The following SNRPN variants were observed in gnomAD, a reference collection of about 807,000 sequenced individuals.
SNRPN encodes the protein small nuclear ribonucleoprotein-associated protein N.
Under a neutral mutation model 25.2 loss-of-function variants are expected in SNRPN, and 7 were observed. The ratio of observed to expected loss-of-function variants is 0.28; its 90% CI spans 0.16 to 0.52. SNRPN has a LOEUF of 0.52. Ranked by LOEUF, SNRPN falls within the 20% of genes least tolerant of loss-of-function variation. The pLI is 0.96. For synonymous variants in SNRPN, 124 were observed against 110.6 expected (o/e 1.12, Z -0.76); for missense variants, 196 against 322.5 (o/e 0.61, Z 3.00).
chr15:24,945,451 A>G (rs1418243457), intron 3 of SNRPN, among the ~76,000 whole-genome samples: 1 of 150,450 alleles, frequency 6.6e-6, no homozygotes, highest in Non-Finnish European at 1.5e-5. Flanking sequence ...AGGCAGGAGG[A>G]TCACTTGAGC....
intron 2 of SNRPN, among the ~76,000 whole-genome samples, chr15:24,837,461 T>C (rs987769441): frequency 1.7e-4 from 25 of 151,388 alleles, no homozygotes; most frequent in Admixed American, 1.1e-3. Flanking sequence ...CTCCGCCTCC[T>C]GGGTTCACGC....
chr15:24,927,166 G>A (rs2060438826), intron 3 of SNRPN, among the ~76,000 whole-genome samples: 1 of 151,192 alleles, frequency 6.6e-6, no homozygotes, highest in Non-Finnish European at 1.5e-5. Context: ...TGTCACCCAG[G>A]CTGGGGTGCA....
intron 2 of SNRPN, among the ~76,000 whole-genome samples, chr15:24,838,377 C>G (rs1313885818): frequency 6.6e-6 from 1 of 152,108 alleles, no homozygotes; most frequent in Non-Finnish European, 1.5e-5. Flanking sequence ...GAGGTGATAT[C>G]CATCCTTTTC....
chr15:24,963,005 TAACTG>T (rs1314206548), intron 2 of SNRPN, among the ~76,000 whole-genome samples: 2 of 151,928 alleles, frequency 1.3e-5, no homozygotes, highest in African/African-American at 4.8e-5. Context: ...ACTACCAACT[TAACTG>T]GCCTTTTCCT....
chr15:24,866,773 G>A (rs12909268), intron 1 of SNRPN, among the ~76,000 whole-genome samples: 49,659 of 151,950 alleles, frequency 0.33, 9,345 homozygotes, highest in African/African-American at 0.5. Flanking sequence ...TTTCACATGA[G>A]TAAGATCTTG....
chr15:24,895,400 A>AAC (rs10558727), intron 2 of SNRPN, among the ~76,000 whole-genome samples: 16,636 of 147,124 alleles, frequency 0.11, 1,022 homozygotes, highest in Admixed American at 0.18. Flanking sequence ...AATACACCCA[A>AAC]ACACACACAC....
At chr15:24,928,799 G>C (rs1351219578) in intron 3 of SNRPN, among the ~76,000 whole-genome samples, 1 of 151,880 alleles carries the variant, frequency 6.6e-6, no homozygotes, top group African/African-American at 2.4e-5. Flanking sequence ...ATAAAGGTGG[G>C]GTCTTGCCAT....
intron 2 of SNRPN, among the ~76,000 whole-genome samples, chr15:24,964,735 G>A (rs1339485879): frequency 6.6e-6 from 1 of 152,166 alleles, no homozygotes; most frequent in East Asian, 1.9e-4. Flanking sequence ...TGTTAAGTGG[G>A]TGAAGGTTCT....
intron 1 of SNRPN, among the ~76,000 whole-genome samples, chr15:24,957,643 G>A (rs1031492390): frequency 2.0e-5 from 3 of 152,116 alleles, no homozygotes; most frequent in African/African-American, 7.2e-5. Context: ...TTAAATCTAC[G>A]AAGCCCGAAA....
rs10696281 is a variant in SNRPN at position 24,833,104 on chromosome 15, CAAAAAAAAA to C, written c.-579+3218_-579+3226del. Reference sequence around the variant, plus strand: ...TGGGCGACAGAGCGAGACTCTGTCTCAAAAAAAAAAAAAAAAAAAAAAAAAAAGATGATG... The same window carrying C: ...TGGGCGACAGAGCGAGACTCTGTCTCAAAAAAAAAAAAAAAAAAGATGATG... On this transcript the variant is annotated intron_variant, in intron 2 of 12. Transcript: ENST00000400100. Among the ~76,000 whole-genome samples the C allele has an allele frequency of 1.6e-4, 10 of 61,768 alleles. No homozygotes were observed. The Admixed American group carries it at 2.1e-3, about 13-fold the overall frequency. 40.5% of individuals were successfully genotyped at this position (61,768 alleles called of 152,430 possible). A position where few individuals can be genotyped will look rare whatever the true frequency, so the allele number is the denominator to read the frequency against.
At chr15:24,959,972 G>A (rs1005819548) in intron 1 of SNRPN, among the ~76,000 whole-genome samples, 5 of 152,140 alleles carry the variant, frequency 3.3e-5, no homozygotes, top group Admixed American at 2.6e-4. Context: ...ATAATAGAAA[G>A]AACATGAACT....
chr15:24,881,324 A>T (rs1037244127), intron 1 of SNRPN, among the ~76,000 whole-genome samples: 1 of 151,378 alleles, frequency 6.6e-6, no homozygotes, highest in African/African-American at 2.4e-5. Flanking sequence ...GGAGTTCGAG[A>T]CCAGCCTGGC....
chr15:24,873,169 C>CAA (rs144050115), intron 1 of SNRPN, among the ~76,000 whole-genome samples: 1 of 114,904 alleles, frequency 8.7e-6, no homozygotes, highest in Non-Finnish European at 1.9e-5. Flanking sequence ...GCCTTGCCCG[C>CAA]AAAAAAAAAG....
chr15:24,842,482 G>A (rs997937815), intron 2 of SNRPN, among the ~76,000 whole-genome samples: 2 of 152,152 alleles, frequency 1.3e-5, no homozygotes, highest in South Asian at 2.1e-4. Context: ...GGGTTCCCAG[G>A]GCAGATGAAG....
At chr15:24,849,869 C>T (rs925006927) in intron 2 of SNRPN, 1 of 152,144 alleles carries the variant, frequency 6.6e-6, no homozygotes, top group Admixed American at 6.6e-5. Flanking sequence ...TTGAAAAAAT[C>T]CTCGTAAAAT....
intron 1 of SNRPN, among the ~76,000 whole-genome samples, chr15:24,960,548 C>T (rs1184806654): frequency 6.6e-6 from 1 of 152,106 alleles, no homozygotes; most frequent in African/African-American, 2.4e-5. Flanking sequence ...AGCTGGTCTC[C>T]TGAGCTCAAG....
intron 2 of SNRPN, among the ~76,000 whole-genome samples, chr15:24,901,777 C>G (rs1033904310): frequency 3.9e-5 from 6 of 152,078 alleles, no homozygotes; most frequent in African/African-American, 1.4e-4. Flanking sequence ...TTTTCAAGGG[C>G]AAATTCAGAT....
intron 2 of SNRPN, chr15:24,910,956 A>G (rs1196687277): frequency 4.5e-6 from 4 of 887,982 alleles, no homozygotes; most frequent in Non-Finnish European, 7.3e-6. Flanking sequence ...GCAGCAGCCA[A>G]CACCCAAAAC....
intron 2 of SNRPN, among the ~76,000 whole-genome samples, chr15:24,914,469 G>A (rs1443905017): frequency 1.3e-5 from 2 of 152,036 alleles, no homozygotes; most frequent in Non-Finnish European, 2.9e-5. Flanking sequence ...CTGAGGCAAG[G>A]GGATCGATCA....
Sources: allele counts gnomAD v4.1 joint callset (sites outside exome capture counted in the v4.1 genomes callset), GRCh38; gene constraint gnomAD v4.1.1; transcripts MANE v1.5; gene names NCBI Gene and HGNC (gene_info 2026-07-23, HGNC 2026-07-21).